DNER: variants seen among roughly 807,000 people sequenced by gnomAD.
DNER encodes the protein delta and Notch-like epidermal growth factor-related receptor.
Under a neutral mutation model 78.2 loss-of-function variants are expected in DNER, and 33 were observed. That is an observed-to-expected ratio of 0.42 (90% CI 0.32 to 0.56). The LOEUF (loss-of-function observed/expected upper bound fraction) is 0.56, where lower values mean the gene tolerates loss of function less well. Among genes scored for constraint, DNER ranks in the 20% least tolerant of loss-of-function variants. DNER has a pLI of 0.11. For synonymous variants in DNER, 417 were observed against 384.8 expected (o/e 1.08, Z -0.98); for missense variants, 918 against 975.3 (o/e 0.94, Z 0.78).
intron 4 of DNER, among the ~76,000 whole-genome samples, chr2:229,553,631 G>A (rs1484308265): frequency 1.3e-5 from 2 of 152,206 alleles, no homozygotes; most frequent in African/African-American, 2.4e-5. Flanking sequence ...TGCCAGCGCA[G>A]GTGGGTTCCT....
intron 5 of DNER, among the ~76,000 whole-genome samples, chr2:229,514,648 T>C (rs1695932809): frequency 6.6e-6 from 1 of 152,222 alleles, no homozygotes; most frequent in Non-Finnish European, 1.5e-5. Context: ...CTTCTATTAG[T>C]AGTCATACTT....
intron 11 of DNER, among the ~76,000 whole-genome samples, chr2:229,372,465 G>C (rs1244004386): frequency 2.6e-5 from 4 of 152,318 alleles, no homozygotes; most frequent in East Asian, 1.9e-4. Flanking sequence ...CTGTGGGAGG[G>C]GGGTGAGGGA....
chr2:229,500,801 A>G (rs59358579), intron 6 of DNER, among the ~76,000 whole-genome samples: 19,688 of 152,138 alleles, frequency 0.13, 1,387 homozygotes, highest in South Asian at 0.2. Flanking sequence ...CCTACCACCC[A>G]AGCAGTATAC....
intron 1 of DNER, among the ~76,000 whole-genome samples, chr2:229,644,642 A>T (rs894749194): frequency 6.6e-5 from 10 of 151,896 alleles, no homozygotes; most frequent in Non-Finnish European, 8.8e-5. Context: ...TTTATTTTTC[A>T]GTATTGTGTT....
At chr2:229,426,912 A>G (rs183612084) in intron 8 of DNER, among the ~76,000 whole-genome samples, 103 of 152,336 alleles carry the variant, frequency 6.8e-4, no homozygotes, top group Non-Finnish European at 7.5e-4. Context: ...GAAGTTGTGT[A>G]AGTCAATGCA....
At chr2:229,365,490 G>A (rs754040425) in intron 12 of DNER, among the ~76,000 whole-genome samples, 40 of 152,194 alleles carry the variant, frequency 2.6e-4, no homozygotes, top group Non-Finnish European at 5.4e-4. Flanking sequence ...AGGTTGGAGT[G>A]CAGTGGTGCC....
intron 1 of DNER, among the ~76,000 whole-genome samples, chr2:229,661,210 A>C (rs1307719982): frequency 1.3e-5 from 2 of 152,124 alleles, no homozygotes; most frequent in Non-Finnish European, 2.9e-5. Flanking sequence ...GATTATGAGT[A>C]GTAATCCATA....
intron 7 of DNER, among the ~76,000 whole-genome samples, chr2:229,453,927 A>AG (rs1454494932): frequency 6.9e-6 from 1 of 144,258 alleles, no homozygotes; most frequent in Non-Finnish European, 1.6e-5. Context: ...TATTAAAAAA[A>AG]AAAAAAAAAA....
intron 4 of DNER, among the ~76,000 whole-genome samples, chr2:229,562,612 C>T (rs1229482228): frequency 6.6e-6 from 1 of 151,968 alleles, no homozygotes; most frequent in Non-Finnish European, 1.5e-5. Context: ...AATGAGATAC[C>T]AGGCTCCTGT....
intron 1 of DNER, among the ~76,000 whole-genome samples, chr2:229,630,626 A>G (rs1698418740): frequency 6.6e-6 from 1 of 151,846 alleles, no homozygotes. Flanking sequence ...ACAGCATCTC[A>G]TTTTCTTTTT....
intron 8 of DNER, among the ~76,000 whole-genome samples, chr2:229,438,137 A>C (rs993937968): frequency 6.6e-6 from 1 of 152,232 alleles, no homozygotes; most frequent in African/African-American, 2.4e-5. Flanking sequence ...AGAATGAAGC[A>C]AAGACAGAAG....
chr2:229,433,706 G>T (rs1314890141), intron 8 of DNER, among the ~76,000 whole-genome samples: 1 of 152,166 alleles, frequency 6.6e-6, no homozygotes, highest in Non-Finnish European at 1.5e-5. Flanking sequence ...GAAGATATTA[G>T]AAGTATTTAA....
intron 1 of DNER, among the ~76,000 whole-genome samples, chr2:229,640,140 A>G (rs1376390418): frequency 6.6e-6 from 1 of 152,224 alleles, no homozygotes; most frequent in African/African-American, 2.4e-5. Context: ...AGGCTAATTT[A>G]AAGGGTTACA....
intron 1 of DNER, among the ~76,000 whole-genome samples, chr2:229,621,009 CT>C (rs1418133356): frequency 6.6e-6 from 1 of 152,212 alleles, no homozygotes; most frequent in East Asian, 1.9e-4. Flanking sequence ...AAATAAATAT[CT>C]GCTGTTTAAG....
rs78539232 is a variant in DNER at position 229,490,664 on chromosome 2, T to C, written c.1148-13411A>G. On this transcript the variant is annotated intron_variant, in intron 6 of 12. Transcript: ENST00000341772. ...TAAAATGCCCTAAAGCTGATTATGG[T>C]GATGACTGCACAACTCTATGAATAT... is the stretch of plus-strand genomic sequence containing the variant. 7.4e-3 allele frequency among the ~76,000 whole-genome samples: 1,132 copies of C among 152,238 alleles called. 50 individuals carry two copies. The East Asian group carries it at 0.11, about 15-fold the overall frequency.
chr2:229,460,345 T>A (rs890888583), intron 7 of DNER, among the ~76,000 whole-genome samples: 2 of 151,784 alleles, frequency 1.3e-5, no homozygotes, highest in African/African-American at 2.4e-5. Flanking sequence ...ATGTGTAATG[T>A]TGAGAGCTTT....
At chr2:229,713,885 C>A (rs1481690474) in intron 1 of DNER, among the ~76,000 whole-genome samples, 1 of 152,150 alleles carries the variant, frequency 6.6e-6, no homozygotes, top group Non-Finnish European at 1.5e-5. Context: ...GCGTCTAGAG[C>A]CCCGCGCGAG....
chr2:229,591,351 T>C lies in DNER; in HGVS notation c.585+229A>G, dbSNP rs768659298. Among the ~76,000 whole-genome samples the C allele has an allele frequency of 1.3e-5, 2 of 152,242 alleles. No individual in the cohort carries two copies. Among genetic ancestry groups the C allele is most frequent in the African/African-American group, 4.8e-5 (2 of 41,468 alleles). On this transcript the variant is annotated intron_variant, in intron 2 of 12. Transcript: ENST00000341772. This position sits in a 1 kb window ranked among gnomAD's most constrained non-coding sequence, Gnocchi z 4.6. The stretch of plus-strand genomic sequence containing the variant: ...TCTAAGATTATCTCACAGAAATACA[T>C]GTGGATACCATTCCAAAAAATAATT...
intron 10 of DNER, among the ~76,000 whole-genome samples, chr2:229,400,485 G>A (rs1693243997): frequency 6.6e-6 from 1 of 151,906 alleles, no homozygotes. Context: ...AAATACACAA[G>A]ATGAGGCTGA....
Sources: gnomAD v4.1 joint callset for allele counts (sites outside exome capture counted in the v4.1 genomes callset) on GRCh38, gnomAD v4.1.1 for gene constraint, Gnocchi (gnomAD v3.1) non-coding constraint, MANE v1.5 for transcripts, NCBI Gene and HGNC (gene_info 2026-07-23, HGNC 2026-07-21) for gene names.